Variants in FLRT1 observed in about 807,000 individuals in gnomAD.
FLRT1 encodes fibronectin leucine rich transmembrane protein 1, also known as leucine-rich repeat transmembrane protein FLRT1.
Under a neutral mutation model 30.9 loss-of-function variants are expected in FLRT1, and 14 were observed. That is an observed-to-expected ratio of 0.45 (90% CI 0.30 to 0.71). The LOEUF (loss-of-function observed/expected upper bound fraction) is 0.71, where lower values mean the gene tolerates loss of function less well. FLRT1 is among the 30% of genes least tolerant of loss of function. FLRT1 has a pLI of 0.08. For missense variants in FLRT1, 737 were observed against 949.2 expected (o/e 0.78, Z 2.94); for synonymous variants, 368 against 430.4 (o/e 0.85, Z 1.80).
intron 1 of FLRT1, among the ~76,000 whole-genome samples, chr11:64,073,814 T>C (rs1237239582): frequency 6.6e-6 from 1 of 151,726 alleles, no homozygotes; most frequent in African/African-American, 2.4e-5. Context: ...CAGCCCTGTG[T>C]TGGGGAGGGG....
chr11:64,067,715 C>T lies in FLRT1; in HGVS notation c.-1038+31556C>T, dbSNP rs997111148. Reference sequence around the variant, plus strand: ...CTGCCTGCAGTGATTGCGGACACGCCCCTCGCGAGGCACCGCAGGCTGCCA... The same window carrying T: ...CTGCCTGCAGTGATTGCGGACACGCTCCTCGCGAGGCACCGCAGGCTGCCA... On this transcript the variant is annotated intron_variant, in intron 1 of 2. Coordinates refer to ENST00000682287, the MANE Select transcript of FLRT1 (RefSeq NM_013280.5). The surrounding 1 kb of genome is among the most constrained non-coding windows in gnomAD (Gnocchi z 4.6). 6.6e-6 allele frequency among the ~76,000 whole-genome samples: 1 copy of T among 152,156 alleles called. No individual in the cohort carries two copies. Among genetic ancestry groups the T allele is most frequent in the Non-Finnish European group, 1.5e-5 (1 of 68,034 alleles).
rs1945033729 is a variant in FLRT1, at chr11:64,118,277, C to T, written c.2010C>T (p.Asp670=). ...GGGACGGCGGCATCCCCGACATAGACTACTCCTACACATGATGCCCGCCCA... is the reference window on the plus strand; with the variant it reads ...GGGACGGCGGCATCCCCGACATAGATTACTCCTACACATGATGCCCGCCCA... ...GYRDGGIPDI[D]YSYT Residue 670 remains aspartate (D), a synonymous_variant, in exon 3 of 3, where the codon GAC becomes GAT. Coordinates refer to ENST00000682287, the MANE Select transcript of FLRT1 (RefSeq NM_013280.5). The T allele has an allele frequency of 2.5e-6, 4 of 1,583,168 alleles. No homozygotes were observed. The African/African-American group carries it at 5.4e-5, about 21-fold the overall frequency.
At chr11:64,083,925 G>A (rs1944347225) in intron 1 of FLRT1, among the ~76,000 whole-genome samples, 1 of 152,188 alleles carries the variant, frequency 6.6e-6, no homozygotes, top group Non-Finnish European at 1.5e-5. Flanking sequence ...CCGTGGGCAG[G>A]GGCACATATG....
At chr11:64,077,285 A>C (rs1944219757) in intron 1 of FLRT1, among the ~76,000 whole-genome samples, 1 of 152,184 alleles carries the variant, frequency 6.6e-6, no homozygotes, top group Non-Finnish European at 1.5e-5. Context: ...GCCAGCTGGA[A>C]ATGTTTGCAT....
At chr11:64,061,065 TC>T (rs1416135538) in intron 1 of FLRT1, among the ~76,000 whole-genome samples, 7 of 151,822 alleles carry the variant, frequency 4.6e-5, no homozygotes, top group Admixed American at 3.9e-4. Flanking sequence ...GGGCTTGGCG[TC>T]CCCCCCACTC....
chr11:64,057,078 G>A (rs528834791), intron 1 of FLRT1, among the ~76,000 whole-genome samples: 8 of 152,218 alleles, frequency 5.3e-5, no homozygotes, highest in African/African-American at 1.9e-4. Flanking sequence ...AGCCTGCGTC[G>A]CACCAGCTCT....
At chr11:64,094,862 G>C (rs1250103999) in intron 1 of FLRT1, among the ~76,000 whole-genome samples, 1 of 152,216 alleles carries the variant, frequency 6.6e-6, no homozygotes, top group Non-Finnish European at 1.5e-5. Flanking sequence ...ATCCAGGTTG[G>C]GGGGCCCAGG....
At chr11:64,100,375 A>G (rs1270245730) in intron 1 of FLRT1, among the ~76,000 whole-genome samples, 1 of 152,230 alleles carries the variant, frequency 6.6e-6, no homozygotes, top group African/African-American at 2.4e-5. Context: ...AGCATCTCAA[A>G]GTACTTTTAC....
chr11:64,114,870 G>T (rs1944947361), intron 2 of FLRT1, among the ~76,000 whole-genome samples: 1 of 152,200 alleles, frequency 6.6e-6, no homozygotes, highest in Admixed American at 6.5e-5. Flanking sequence ...AGCAGAGGAG[G>T]TAACATTTGA....
At chr11:64,069,965 C>T (rs1224757137) in intron 1 of FLRT1, among the ~76,000 whole-genome samples, 1 of 152,012 alleles carries the variant, frequency 6.6e-6, no homozygotes, top group East Asian at 1.9e-4. Flanking sequence ...GATCAATGTC[C>T]CTCTGCAGGG....
intron 1 of FLRT1, among the ~76,000 whole-genome samples, chr11:64,046,426 G>A (rs769903753): frequency 6.6e-6 from 1 of 152,222 alleles, no homozygotes; most frequent in Non-Finnish European, 1.5e-5. Context: ...GTGCGAGGCT[G>A]CCCAAGGGGA....
chr11:64,101,813 G>T (rs1467193843), intron 1 of FLRT1, among the ~76,000 whole-genome samples: 1 of 152,112 alleles, frequency 6.6e-6, no homozygotes, highest in Non-Finnish European at 1.5e-5. Flanking sequence ...ATTCAGAATC[G>T]ATGTCCCGTG....
chr11:64,064,383 G>C lies in FLRT1; in HGVS notation c.-1038+28224G>C, dbSNP rs1342224254. Among the ~76,000 whole-genome samples, 1 of 152,188 alleles carries C rather than the reference G, an allele frequency of 6.6e-6. No homozygotes were observed. On this transcript the variant is annotated intron_variant, in intron 1 of 2. Transcript: ENST00000682287. The surrounding 1 kb of genome is among the most constrained non-coding windows in gnomAD (Gnocchi z 4.5). ...CCTATGGGGCCACAGGCATTGGATG[G>C]AGGATGGAGGAGGCTCAGGGCCAGT...
rs988350680 is a variant in FLRT1, at chr11:64,118,993, G to A, written c.*701G>A. The A allele has an allele frequency of 2.4e-5, 4 of 166,586 alleles. No homozygotes were observed. The highest frequency in any genetic ancestry group is 7.3e-5 in the African/African-American group (3 of 41,214). The allele number at this position is 166,586 out of a possible 1,614,324, so 10.3% of individuals were successfully genotyped here. The stretch of plus-strand genomic sequence containing the variant: ...TCTTCAGTTCCATGCACCACGCTCC[G>A]TAGAAGCCCCGGCGGAAGCCGTAGC... On this transcript the variant is annotated 3_prime_UTR_variant, in exon 3 of 3. Coordinates refer to ENST00000682287, the MANE Select transcript of FLRT1 (RefSeq NM_013280.5).
At chr11:64,045,082 G>C (rs1049511519) in intron 1 of FLRT1, among the ~76,000 whole-genome samples, 1 of 152,252 alleles carries the variant, frequency 6.6e-6, no homozygotes, top group Non-Finnish European at 1.5e-5. Flanking sequence ...TGCGGGCTGA[G>C]GGGGAGCAGT....
chr11:64,113,834 G>A (rs1045132018), intron 2 of FLRT1, among the ~76,000 whole-genome samples: 12 of 150,376 alleles, frequency 8.0e-5, no homozygotes, highest in East Asian at 2.0e-4. Flanking sequence ...ATGGATGGAT[G>A]GATGGATGGA....
chr11:64,110,040 C>T (rs1013946451), intron 2 of FLRT1, among the ~76,000 whole-genome samples: 1 of 152,112 alleles, frequency 6.6e-6, no homozygotes, highest in African/African-American at 2.4e-5. Flanking sequence ...GGGTACTCTG[C>T]ACATATAATG....
chr11:64,074,242 G>A (rs764422514), intron 1 of FLRT1, among the ~76,000 whole-genome samples: 3 of 152,220 alleles, frequency 2.0e-5, no homozygotes, highest in Non-Finnish European at 4.4e-5. Flanking sequence ...TGCAGTTCGT[G>A]GGGTTCTTTC....
Position 64,116,729 on chromosome 11 carries a change from G to A in FLRT1, c.462G>A (p.Glu154=). Reference sequence around the variant, plus strand: ...CGCTGGCCCGCATCCCGCTGCTGGAGAAGCTGCACCTGGATGACAACTCCG... The same window carrying A: ...CGCTGGCCCGCATCCCGCTGCTGGAAAAGCTGCACCTGGATGACAACTCCG... The part of the protein sequence containing the change: ...RDSLARIPLL[E]KLHLDDNSVS... Residue 154 remains glutamate (E), a synonymous_variant, in exon 3 of 3, where the codon GAG becomes GAA. Transcript: ENST00000682287. 2 of 1,613,744 alleles carry A rather than the reference G, an allele frequency of 1.2e-6. No individual in the cohort carries two copies. Among genetic ancestry groups the A allele is most frequent in the Non-Finnish European group, 1.7e-6 (2 of 1,180,032 alleles).
Sources: gnomAD v4.1 joint callset for allele counts (sites outside exome capture counted in the v4.1 genomes callset) on GRCh38, gnomAD v4.1.1 for gene constraint, Gnocchi (gnomAD v3.1) non-coding constraint, MANE v1.5 for transcripts, NCBI Gene and HGNC (gene_info 2026-07-23, HGNC 2026-07-21) for gene names.